Variants in ZNRF1 observed in about 807,000 individuals in gnomAD.
ZNRF1 encodes E3 ubiquitin-protein ligase ZNRF1.
In ZNRF1, 3 loss-of-function variants were observed where a neutral mutation model predicts 18.4. The observed-to-expected ratio is 0.16, with a 90% CI of 0.07 to 0.42. The LOEUF is 0.42. Ranked by LOEUF, ZNRF1 falls within the 10% of genes least tolerant of loss-of-function variation. The pLI, the probability that ZNRF1 is intolerant of heterozygous loss-of-function variation, is 0.99. For synonymous variants in ZNRF1, 157 were observed against 144.2 expected (o/e 1.09, Z -0.64); for missense variants, 310 against 329.8 (o/e 0.94, Z 0.47).
Position 74,999,956 on chromosome 16 carries a change from C to A in ZNRF1, c.285C>A (p.Ser95=). The A allele has an allele frequency of 6.3e-7, 1 of 1,577,752 alleles. No individual in the cohort carries two copies. The highest frequency in any genetic ancestry group is 8.6e-7 in the Non-Finnish European group (1 of 1,162,734). ...GCGGCGGAGGGTCTGCGTCCGACTC[C>A]ACCTATGCCCATGGCAATGGTTACC... The part of the protein sequence containing the change: ...APGGGGSASD[S]TYAHGNGYQE... Residue 95 remains serine (S), a synonymous_variant, in exon 1 of 5, where the codon TCC becomes TCA. Transcript: ENST00000335325.
At chr16:75,099,832 G>T (rs2036236313) in intron 2 of ZNRF1, among the ~76,000 whole-genome samples, 1 of 152,188 alleles carries the variant, frequency 6.6e-6, no homozygotes, top group Admixed American at 6.5e-5. Context: ...GCTTCTGGAA[G>T]TCTTGTAGGA....
rs1290066522 is a variant in ZNRF1, at chr16:75,107,713, A to G, written c.*33-20A>G. ...CCCTCGGCCCGATGGAGCACGACTT[A>G]TTTATTACGGTCCACACAGGGACAG... On this transcript the variant is annotated intron_variant, in intron 4 of 4. Transcript: ENST00000335325. The G allele has an allele frequency of 2.2e-6, 1 of 456,320 alleles. No individual in the cohort carries two copies. Among genetic ancestry groups the G allele is most frequent in the East Asian group, 7.0e-5 (1 of 14,380 alleles). The allele number at this position is 456,320 out of a possible 1,614,324, so 28.3% of individuals were successfully genotyped here.
rs542218613 is a variant in ZNRF1 at position 75,105,297 on chromosome 16, G to A, written c.626+408G>A. 1.3e-4 allele frequency: 25 copies of A among 188,106 alleles called. No individual in the cohort carries two copies. In the South Asian group the frequency reaches 2.1e-3, roughly 16 times the overall value. 11.7% of individuals were successfully genotyped at this position (188,106 alleles called of 1,614,324 possible). On this transcript the variant is annotated intron_variant, in intron 3 of 4. Transcript: ENST00000335325. The stretch of plus-strand genomic sequence containing the variant: ...GTGCGAGGAAGGCCAGGCGGAGGGT[G>A]TACCCACTGCCTTGCACTGGCCTTC...
At chr16:75,100,365 A>G (rs2036241947) in intron 2 of ZNRF1, among the ~76,000 whole-genome samples, 1 of 152,190 alleles carries the variant, frequency 6.6e-6, no homozygotes, top group African/African-American at 2.4e-5. Flanking sequence ...CAGGACAAGA[A>G]GAATCGCCCT....
At chr16:75,029,463 A>G (rs2035271412) in intron 1 of ZNRF1, among the ~76,000 whole-genome samples, 1 of 152,124 alleles carries the variant, frequency 6.6e-6, no homozygotes, top group South Asian at 2.1e-4. Flanking sequence ...TTTCTTAAAA[A>G]ACAAAACAAA....
intron 1 of ZNRF1, among the ~76,000 whole-genome samples, chr16:75,017,661 T>G (rs2035089878): frequency 1.3e-5 from 2 of 152,212 alleles, no homozygotes; most frequent in African/African-American, 4.8e-5. Context: ...GAGATCTCCT[T>G]TAATCATTGT....
At chr16:75,043,790 C>CTGTTTTTTTTT (rs1555511408) in intron 1 of ZNRF1, among the ~76,000 whole-genome samples, 3 of 75,190 alleles carry the variant, frequency 4.0e-5, no homozygotes, top group Non-Finnish European at 5.2e-5. Context: ...TTGCTTTGTA[C>CTGTTTTTTTTT]TTTTTTTTTT....
chr16:74,999,968 T>C lies in ZNRF1; in HGVS notation c.297T>C (p.His99=), dbSNP rs1487533601. The change falls in exon 1 of 5, where the codon CAT becomes CAC. Residue 99 remains histidine, a synonymous_variant. Transcript: ENST00000335325. ...CTGCGTCCGACTCCACCTATGCCCA[T>C]GGCAATGGTTACCAGGAGACGGGCG... ...GGSASDSTYA[H]GNGYQETGGG... 6.3e-7 allele frequency: 1 copy of C among 1,582,362 alleles called. No homozygotes were observed. The highest frequency in any genetic ancestry group is 8.6e-7 in the Non-Finnish European group (1 of 1,165,166).
chr16:75,085,176 A>G (rs1004261464), intron 1 of ZNRF1, among the ~76,000 whole-genome samples: 4 of 152,156 alleles, frequency 2.6e-5, no homozygotes, highest in African/African-American at 9.7e-5. Context: ...AGGTTCTCTC[A>G]TTACCTTCTC....
intron 1 of ZNRF1, among the ~76,000 whole-genome samples, chr16:75,031,579 C>T (rs1237870687): frequency 6.6e-6 from 1 of 152,140 alleles, no homozygotes; most frequent in Non-Finnish European, 1.5e-5. Flanking sequence ...GTGATCTCAG[C>T]TCACTGCAGC....
intron 1 of ZNRF1, among the ~76,000 whole-genome samples, chr16:75,069,481 T>C (rs2035844188): frequency 6.6e-6 from 1 of 152,182 alleles, no homozygotes; most frequent in Admixed American, 6.5e-5. Flanking sequence ...TGGCGCGATC[T>C]CGGCTCACTG....
intron 1 of ZNRF1, among the ~76,000 whole-genome samples, chr16:75,018,865 C>G (rs2035105963): frequency 6.6e-6 from 1 of 152,020 alleles, no homozygotes; most frequent in Admixed American, 6.6e-5. Context: ...TCTTTTTCTT[C>G]TCTTACTAAG....
intron 1 of ZNRF1, among the ~76,000 whole-genome samples, chr16:75,021,164 G>A (rs987382227): frequency 3.9e-5 from 6 of 151,992 alleles, no homozygotes; most frequent in Non-Finnish European, 7.4e-5. Flanking sequence ...CCTCAGCCTC[G>A]CAAGTAGCTG....
chr16:75,084,569 A>T (rs1406384230), intron 1 of ZNRF1: 1 of 152,236 alleles, frequency 6.6e-6, no homozygotes, highest in African/African-American at 2.4e-5. Context: ...CCACGGGGAT[A>T]AAAGGAATGC....
intron 1 of ZNRF1, among the ~76,000 whole-genome samples, chr16:75,087,176 C>CT (rs1201510384): frequency 6.6e-6 from 1 of 152,212 alleles, no homozygotes; most frequent in Non-Finnish European, 1.5e-5. Flanking sequence ...CTCGGCTGCT[C>CT]TGTCAAATGG....
intron 2 of ZNRF1, among the ~76,000 whole-genome samples, chr16:75,096,697 T>G (rs372831749): frequency 2.0e-5 from 3 of 152,226 alleles, no homozygotes; most frequent in African/African-American, 4.8e-5. Flanking sequence ...TTTAGAAAAT[T>G]TATGATGGTT....
chr16:75,026,279 C>T lies in ZNRF1; in HGVS notation c.424+26184C>T, dbSNP rs112583895. Among the ~76,000 whole-genome samples, 1,098 of 151,438 alleles carry T rather than the reference C, an allele frequency of 7.3e-3. 11 individuals carry two copies. Among genetic ancestry groups the T allele is most frequent in the African/African-American group, 0.026 (1,066 of 41,258 alleles). On this transcript the variant is annotated intron_variant, in intron 1 of 4. Coordinates refer to ENST00000335325, the MANE Select transcript of ZNRF1 (RefSeq NM_032268.5). ...ATTTATTTTTTTTTTTAAGCTGTTG[C>T]TGTTACATGTGACTGAGCAACTGTG...
chr16:75,032,513 A>G (rs2035319412), intron 1 of ZNRF1, among the ~76,000 whole-genome samples: 1 of 152,174 alleles, frequency 6.6e-6, no homozygotes, highest in Non-Finnish European at 1.5e-5. Flanking sequence ...CAGCCTGGGC[A>G]ACAAGAGCGA....
intron 2 of ZNRF1, chr16:75,095,857 C>G: frequency 1.9e-6 from 2 of 1,037,392 alleles, no homozygotes; most frequent in Non-Finnish European, 2.6e-6. Context: ...TTGGTTTACC[C>G]CCCTACACCC....
Sources: allele counts gnomAD v4.1 joint callset (sites outside exome capture counted in the v4.1 genomes callset), GRCh38; gene constraint gnomAD v4.1.1; transcripts MANE v1.5; gene names NCBI Gene and HGNC (gene_info 2026-07-23, HGNC 2026-07-21).